MAP1S: variants seen among roughly 807,000 people sequenced by gnomAD.
MAP1S encodes microtubule associated protein 1S.
Under a neutral mutation model 60.9 loss-of-function variants are expected in MAP1S, and 27 were observed. The observed-to-expected ratio is 0.44, with a 90% CI of 0.33 to 0.61. The LOEUF (loss-of-function observed/expected upper bound fraction) is 0.61. Ranked by LOEUF, MAP1S falls within the 20% of genes least tolerant of loss-of-function variation. MAP1S has a pLI of 0.03. For synonymous variants in MAP1S, 826 were observed against 694.2 expected (o/e 1.19, Z -2.98); for missense variants, 1,608 against 1,486.6 (o/e 1.08, Z -1.34).
intron 5 of MAP1S, among the ~76,000 whole-genome samples, chr19:17,729,549 A>G (rs2080474524): frequency 6.6e-6 from 1 of 152,126 alleles, no homozygotes; most frequent in Non-Finnish European, 1.5e-5. Context: ...TCTGTCATCC[A>G]GGCTGGAGTG....
intron 1 of MAP1S, chr19:17,720,423 C>T: frequency 6.5e-7 from 1 of 1,535,174 alleles, no homozygotes; most frequent in Non-Finnish European, 8.7e-7. Flanking sequence ...TCAGCCCTGC[C>T]AACACAGGTC....
intron 5 of MAP1S, among the ~76,000 whole-genome samples, chr19:17,730,554 G>C (rs1004063957): frequency 6.6e-6 from 1 of 152,142 alleles, no homozygotes; most frequent in Non-Finnish European, 1.5e-5. Context: ...AGCCTCAAGC[G>C]ATTCTCTCGC....
intron 5 of MAP1S, among the ~76,000 whole-genome samples, chr19:17,728,397 C>T (rs975956502): frequency 4.6e-5 from 7 of 152,068 alleles, no homozygotes; most frequent in South Asian, 2.1e-4. Context: ...CTACTGGCAC[C>T]GCCACTACCC....
chr19:17,727,670 C>G lies in MAP1S; in HGVS notation c.2286C>G (p.Ser762Arg). 6.2e-7 allele frequency: 1 copy of G among 1,609,402 alleles called. No individual in the cohort carries two copies. Residue 762 changes from serine to arginine, a missense_variant, in exon 5 of 7, where the codon AGC becomes AGG. By Grantham distance (110) the Ser-to-Arg change is moderately radical. This residue lies in a region of MAP1S where 1,167 missense variants were observed against 961.4 expected (regional missense o/e 1.21). Coordinates refer to ENST00000324096, the MANE Select transcript of MAP1S (RefSeq NM_018174.6). This position sits in a 1 kb window ranked among gnomAD's most constrained non-coding sequence, Gnocchi z 4.1. ...CACCGGCACCTGCGTCCCCCGGCAGCTCGAATGACAGCAGTGCCCGGTCAC... is the reference window on the plus strand; with the variant it reads ...CACCGGCACCTGCGTCCCCCGGCAGGTCGAATGACAGCAGTGCCCGGTCAC... ...PMAPAPASPG[S>R]SNDSSARSQE...
In MAP1S at chr19:17,733,208, G is replaced by C. The variant is rs754970414; in HGVS notation, c.2804G>C (p.Arg935Pro). 2.0e-6 allele frequency: 3 copies of C among 1,522,222 alleles called. No homozygotes were observed. Among genetic ancestry groups the C allele is most frequent in the Non-Finnish European group, 1.8e-6 (2 of 1,130,826 alleles). 94.3% of individuals were successfully genotyped at this position (1,522,222 alleles called of 1,614,324 possible). ...TRGPSGSASS[R>P]PGVSATPPKS... ...CCGCCCGCAGGGTCAGCCAGCAGCC[G>C]GCCCGGGGTGTCAGCCACCCCACCC... The change falls in exon 6 of 7, where the codon CGG becomes CCG. Residue 935 changes from arginine to proline, a missense_variant. By Grantham distance (103) the Arg-to-Pro change is moderately radical. Transcript: ENST00000324096.
chr19:17,733,036 C>T, intron 5 of MAP1S, 157 bp from the exon 6 acceptor site: 1 of 571,792 alleles, frequency 1.7e-6, no homozygotes. Context: ...ATAAGATTCA[C>T]TGGAGTCATG....
In MAP1S at chr19:17,728,362, A is replaced by G. The variant is rs375318264; in HGVS notation, c.2788+190A>G. On this transcript the variant is annotated intron_variant, in intron 5 of 6. Coordinates refer to ENST00000324096, the MANE Select transcript of MAP1S (RefSeq NM_018174.6). ...ACAATGGGGCTCAAGCCACCCTCCC[A>G]CCTCAGCCTCTCCAGTAGCTGGGAC... 4.1e-4 allele frequency among the ~76,000 whole-genome samples: 63 copies of G among 152,056 alleles called. No individual in the cohort carries two copies. In the East Asian group the frequency reaches 5.6e-3, roughly 14 times the overall value.
intron 5 of MAP1S, among the ~76,000 whole-genome samples, chr19:17,729,758 G>T (rs995397976): frequency 5.9e-5 from 9 of 152,092 alleles, no homozygotes; most frequent in African/African-American, 2.2e-4. Context: ...TACCTCCCGG[G>T]GTCAAGCGAT....
rs533220804 is a variant in MAP1S, at chr19:17,734,252, A to G, written c.3025-21A>G. The stretch of plus-strand genomic sequence containing the variant: ...CTCACTGGTGGTCCACTCTCCCCAC[A>G]CACCCCCCCTCCACCTGCAGGTGAC... On this transcript the variant is annotated intron_variant, in intron 6 of 6. Coordinates refer to ENST00000324096, the MANE Select transcript of MAP1S (RefSeq NM_018174.6). 21 of 1,601,028 alleles carry G rather than the reference A, an allele frequency of 1.3e-5. No individual in the cohort carries two copies. In the East Asian group the frequency reaches 3.6e-4, roughly 27 times the overall value.
chr19:17,728,260 T>G, intron 5 of MAP1S, 88 bp downstream of exon 5: 1 of 1,384,592 alleles, frequency 7.2e-7, no homozygotes. Flanking sequence ...ACATTTTCAG[T>G]TTTTTTAAAA....
intron 1 of MAP1S, 129 bp from the exon 2 acceptor site, chr19:17,720,807 T>C (rs1162324005): frequency 1.6e-5 from 12 of 760,530 alleles, no homozygotes; most frequent in Non-Finnish European, 2.8e-5. Flanking sequence ...TGGGTACTTC[T>C]GAGTCTCCAA....
At chr19:17,733,163 A>G in intron 5 of MAP1S, 30 bp from the exon 6 acceptor site, 1 of 1,433,742 alleles carries the variant, frequency 7.0e-7, no homozygotes, top group East Asian at 2.5e-5. Context: ...CCAGGAGCTC[A>G]TCCCTGCCTC....
At position 17,725,285 on chromosome 19, in the gene MAP1S, GGC is replaced by G; in HGVS notation, c.444+97_444+98del. ...GCACCAGCGACCTGCTGTTTTCCATGGCCTGGTCTCCCCATCCTCTGTAGGAT... is the reference window on the plus strand; with the variant it reads ...GCACCAGCGACCTGCTGTTTTCCATGCTGGTCTCCCCATCCTCTGTAGGAT... On this transcript the variant is annotated intron_variant, in intron 4 of 6. Transcript: ENST00000324096. The surrounding 1 kb of genome is among the most constrained non-coding windows in gnomAD (Gnocchi z 4.2). 1 of 1,449,302 alleles carries G rather than the reference GGC, an allele frequency of 6.9e-7. No homozygotes were observed. Among genetic ancestry groups the G allele is most frequent in the Non-Finnish European group, 9.3e-7 (1 of 1,073,472 alleles). The allele number at this position is 1,449,302 out of a possible 1,614,324, so 89.8% of individuals were successfully genotyped here.
At chr19:17,724,924 T>C in intron 3 of MAP1S, 125 bp from the exon 4 acceptor site, 2 of 1,216,080 alleles carry the variant, frequency 1.6e-6, no homozygotes, top group Admixed American at 3.5e-5. Flanking sequence ...AGTTGAGCAC[T>C]GGGCTGGTCG....
At position 17,726,152 on chromosome 19, in the gene MAP1S, C is replaced by T. The variant is rs372655648; in HGVS notation, c.768C>T (p.Phe256=). The T allele has an allele frequency of 7.4e-6, 12 of 1,613,850 alleles. No individual in the cohort carries two copies. Among genetic ancestry groups the T allele is most frequent in the East Asian group, 2.2e-5 (1 of 44,864 alleles). Residue 256 remains phenylalanine (F), a synonymous_variant, in exon 5 of 7, where the codon TTC becomes TTT. Coordinates refer to ENST00000324096, the MANE Select transcript of MAP1S (RefSeq NM_018174.6). The stretch of plus-strand genomic sequence containing the variant: ...GAGGCCTCGGGGATGCCGCCTTCTT[C>T]GCCGTCAATGGCTTCACTGTGCTGG... ...FPGGLGDAAF[F]AVNGFTVLVN...
At chr19:17,728,824 G>T (rs2080467513) in intron 5 of MAP1S, 1 of 152,198 alleles carries the variant, frequency 6.6e-6, no homozygotes, top group African/African-American at 2.4e-5. Context: ...CCAAAGTGCT[G>T]GGATTACAGG....
At chr19:17,720,540 C>T (rs2080361369) in intron 1 of MAP1S, 3 of 1,466,380 alleles carry the variant, frequency 2.0e-6, no homozygotes, top group Non-Finnish European at 2.7e-6. Flanking sequence ...GACAGTCAGT[C>T]TTAGCACCCG....
intron 5 of MAP1S, 126 bp downstream of exon 5, chr19:17,728,298 G>A: frequency 9.3e-7 from 1 of 1,070,618 alleles, no homozygotes; most frequent in Non-Finnish European, 1.3e-6. Flanking sequence ...TCTCTGAGCT[G>A]GAGTGCAGTG....
chr19:17,720,488 C>G, intron 1 of MAP1S: 4 of 1,523,640 alleles, frequency 2.6e-6, no homozygotes, highest in Non-Finnish European at 3.5e-6. Context: ...TTCCAGCTCA[C>G]ATGGTGTCAG....
Sources: gnomAD v4.1 joint callset for allele counts (sites outside exome capture counted in the v4.1 genomes callset) on GRCh38, gnomAD v4.1.1 for gene constraint, gnomAD v4.1.1 regional missense constraint, Gnocchi (gnomAD v3.1) non-coding constraint, MANE v1.5 for transcripts, NCBI Gene and HGNC (gene_info 2026-07-23, HGNC 2026-07-21) for gene names.